DCT: variants seen among roughly 807,000 people sequenced by gnomAD.
DCT encodes the protein L-dopachrome tautomerase.
DCT carries 47 observed loss-of-function variants against 53.0 expected under a neutral mutation model. The ratio of observed to expected loss-of-function variants is 0.89; its 90% confidence interval spans 0.70 to 1.13. The LOEUF is 1.13. DCT is among the 50% of genes most tolerant of loss of function. The pLI, the probability that DCT is intolerant of heterozygous loss-of-function variation, is 0.00. For synonymous variants in DCT, 244 were observed against 237.0 expected, an observed-to-expected ratio of 1.03 and a Z score of -0.27; for missense variants, 669 against 637.4, an observed-to-expected ratio of 1.05 and a Z score of -0.53.
At chr13:94,540,493 A>G in the DCT span, among the ~76,000 whole-genome samples, 1 of 152,260 alleles carries the variant, frequency 6.6e-6, no homozygotes, top group African/African-American at 2.4e-5. Flanking sequence ...TAAAATGGGC[A>G]AAAGATGTGA....
chr13:94,543,167 T>A, the DCT span, among the ~76,000 whole-genome samples: 1 of 152,192 alleles, frequency 6.6e-6, no homozygotes. Flanking sequence ...ATGTGCACAC[T>A]AACTCATCAC....
chr13:94,463,806 G>A (rs1883978408), intron 4 of DCT, among the ~76,000 whole-genome samples: 3 of 152,148 alleles, frequency 2.0e-5, no homozygotes, highest in Non-Finnish European at 2.9e-5. Flanking sequence ...CACATCCACA[G>A]GGATGAAAGA....
At chr13:94,548,765 A>G in the DCT span, among the ~76,000 whole-genome samples, 1 of 152,268 alleles carries the variant, frequency 6.6e-6, no homozygotes, top group African/African-American at 2.4e-5. Flanking sequence ...TCAAAGTTCT[A>G]TTTCACACTT....
intron 3 of DCT, 46 bp from the exon 4 acceptor site, chr13:94,465,845 T>C (rs771395517): frequency 3.8e-6 from 6 of 1,560,288 alleles, no homozygotes; most frequent in Non-Finnish European, 5.3e-6. Context: ...TGCCATCAGA[T>C]ACAACAAGAA....
At chr13:94,484,363 T>C (rs16949859), upstream of DCT, among the ~76,000 whole-genome samples, 23,813 of 152,228 alleles carry the variant, frequency 0.16, 2,036 homozygotes, top group African/African-American at 0.22. Context: ...TTTTACTGCA[T>C]TTGAAATCAA....
chr13:94,462,171 G>A lies in DCT; in HGVS notation c.882C>T (p.His294=). 2.5e-6 allele frequency: 4 copies of A among 1,612,744 alleles called. No homozygotes were observed. The highest frequency in any genetic ancestry group is 3.4e-6 in the Non-Finnish European group (4 of 1,179,022). Reference sequence around the variant, plus strand: ...AGGTTCCATTGCACAAGGTGACCAGGTGGTTGTAGTCATCCAAGCTAAGAT... The same window carrying A: ...AGGTTCCATTGCACAAGGTGACCAGATGGTTGTAGTCATCCAAGCTAAGAT... ...TVCDSLDDYN[H]LVTLCNGTYE... is the part of the protein sequence containing the mutation. The change falls in exon 5 of 8, where the codon CAC becomes CAT. Residue 294 remains histidine, a synonymous_variant. Transcript: ENST00000377028.
At position 94,451,649 on chromosome 13, in the gene DCT, T is replaced by C. The variant is rs563694681; in HGVS notation, c.1180-8012A>G. On this transcript the variant is annotated intron_variant, in intron 6 of 7. Coordinates refer to ENST00000377028, the MANE Select transcript of DCT (RefSeq NM_001922.5). ...TGCAAGACATCTCGCATAGGGGCCA[T>C]CACAGAATAGATGTACAATAATAGG... Among the ~76,000 whole-genome samples the C allele has an allele frequency of 2.4e-4, 37 of 152,272 alleles. No individual in the cohort carries two copies. In the South Asian group the frequency reaches 6.8e-3, roughly 28 times the overall value.
At chr13:94,514,641 C>A in the DCT span, among the ~76,000 whole-genome samples, 1 of 152,108 alleles carries the variant, frequency 6.6e-6, no homozygotes, top group Non-Finnish European at 1.5e-5. Context: ...GCAAAGGGAC[C>A]AGCAGGAAGA....
chr13:94,503,312 C>T, the DCT span, among the ~76,000 whole-genome samples: 7 of 150,228 alleles, frequency 4.7e-5, no homozygotes, highest in African/African-American at 1.7e-4. Context: ...CCTGGGAGGT[C>T]GAGGCTGCAG....
chr13:94,499,456 A>T, the DCT span, among the ~76,000 whole-genome samples: 6 of 113,168 alleles, frequency 5.3e-5, no homozygotes, highest in Non-Finnish European at 1.1e-4. Flanking sequence ...AGGAGTGTGC[A>T]TGAGAGTGAG....
the DCT span, among the ~76,000 whole-genome samples, chr13:94,536,130 A>T: frequency 2.0e-5 from 3 of 152,240 alleles, no homozygotes; most frequent in Non-Finnish European, 4.4e-5. Context: ...TTTAAGGTCC[A>T]GGAGACAAAA....
the DCT span, among the ~76,000 whole-genome samples, chr13:94,504,807 T>C: frequency 0.45 from 69,025 of 152,008 alleles, 16,942 homozygotes; most frequent in African/African-American, 0.63. Flanking sequence ...TTGTGACTTG[T>C]CAAGGTGATG....
chr13:94,479,143 T>G lies in DCT; in HGVS notation c.113A>C (p.Lys38Thr), dbSNP rs751557518. ...VCMTVDSLVN[K>T]ECCPRLGAES... is the part of the protein sequence containing the mutation. ...TGCACCCAGGCGTGGGCAGCACTCC[T>G]TGTTCACTAGGCTGTCCACCGTCAT... Residue 38 changes from lysine to threonine, a missense_variant, in exon 1 of 8, where the codon AAG becomes ACG. Lys to Thr is a moderately conservative substitution (Grantham distance 78, BLOSUM62 -1). Transcript: ENST00000377028. 5 of 1,614,200 alleles carry G rather than the reference T, an allele frequency of 3.1e-6. No homozygotes were observed. The East Asian group carries it at 8.9e-5, about 29-fold the overall frequency.
chr13:94,547,958 G>A, the DCT span, among the ~76,000 whole-genome samples: 70 of 68,950 alleles, frequency 1.0e-3, 2 homozygotes, highest in Non-Finnish European at 1.3e-3. Flanking sequence ...GTGAAACTCC[G>A]TCTCAAAAAA....
intron 1 of DCT, 73 bp downstream of exon 1, chr13:94,478,888 C>T (rs1374335474): frequency 7.0e-7 from 1 of 1,421,184 alleles, no homozygotes; most frequent in African/African-American, 1.4e-5. Flanking sequence ...TGTCAAGAGT[C>T]TCATCTCTTC....
At chr13:94,440,608 A>G (rs1038948659) in intron 7 of DCT, among the ~76,000 whole-genome samples, 1 of 151,972 alleles carries the variant, frequency 6.6e-6, no homozygotes, top group Admixed American at 6.6e-5. Flanking sequence ...CCACATGATA[A>G]ATCCAATCTT....
At chr13:94,478,307 C>A (rs977821098) in intron 1 of DCT, among the ~76,000 whole-genome samples, 1 of 152,116 alleles carries the variant, frequency 6.6e-6, no homozygotes, top group Admixed American at 6.5e-5. Context: ...CATGGTGAAA[C>A]CCCGTCTCGA....
the DCT span, among the ~76,000 whole-genome samples, chr13:94,487,935 G>A: frequency 5.3e-5 from 8 of 152,002 alleles, 1 homozygote; most frequent in East Asian, 1.2e-3. Context: ...GAAATGGGAC[G>A]TGTGGTCTGT....
At chr13:94,512,405 G>C in the DCT span, among the ~76,000 whole-genome samples, 332 of 152,122 alleles carry the variant, frequency 2.2e-3, 2 homozygotes, top group African/African-American at 7.9e-3. Context: ...AATTCTTTCA[G>C]GCAAAACTAC....
Sources: gnomAD v4.1 joint callset for allele counts (sites outside exome capture counted in the v4.1 genomes callset) on GRCh38, gnomAD v4.1.1 for gene constraint, MANE v1.5 for transcripts, NCBI Gene and HGNC (gene_info 2026-07-23, HGNC 2026-07-21) for gene names.